CAP2: variants seen among roughly 807,000 people sequenced by gnomAD.
CAP2 encodes the protein cyclase associated actin cytoskeleton regulatory protein 2.
In CAP2, 24 loss-of-function variants were observed where a neutral mutation model predicts 57.7. That is an observed-to-expected ratio of 0.42 (90% CI 0.30 to 0.58). The LOEUF is 0.58. Among genes scored for constraint, CAP2 ranks in the 20% least tolerant of loss-of-function variants. CAP2 has a pLI of 0.22. For missense variants in CAP2, 501 were observed against 590.3 expected (o/e 0.85, Z 1.57); for synonymous variants, 194 against 207.2 (o/e 0.94, Z 0.55).
chr6:17,551,891 C>T (rs1763179957), intron 12 of CAP2, among the ~76,000 whole-genome samples: 1 of 152,004 alleles, frequency 6.6e-6, no homozygotes, highest in Non-Finnish European at 1.5e-5. Flanking sequence ...TTAGGTAGGA[C>T]TAAATATTTT....
intron 6 of CAP2, among the ~76,000 whole-genome samples, chr6:17,512,599 T>C (rs7773451): frequency 0.72 from 108,768 of 152,104 alleles, 39,007 homozygotes; most frequent in East Asian, 0.73. Flanking sequence ...AAGACCCTTA[T>C]AAGACCCTAC....
chr6:17,500,375 A>ATATATATATATATATC (rs1561806372), intron 4 of CAP2, among the ~76,000 whole-genome samples: 1 of 116,772 alleles, frequency 8.6e-6, no homozygotes, highest in African/African-American at 3.3e-5. Flanking sequence ...ATATATATAT[A>ATATATATATATATATC]TATATATATT....
intron 4 of CAP2, among the ~76,000 whole-genome samples, chr6:17,490,072 G>T (rs1322442605): frequency 6.6e-6 from 1 of 152,072 alleles, no homozygotes; most frequent in African/African-American, 2.4e-5. Context: ...TTAATCATCT[G>T]AGCTTAGAAC....
rs1487735095 is a variant in CAP2 at position 17,489,410 on chromosome 6, C to T, written c.301-17759C>T. ...TCATGCTACTGCACTCCAGCCTGGG[C>T]AACAGAGCAAGACTCTGTCTCAGAA... On this transcript the variant is annotated intron_variant, in intron 4 of 12. Transcript: ENST00000229922. 3.9e-5 allele frequency among the ~76,000 whole-genome samples: 6 copies of T among 152,210 alleles called. No homozygotes were observed. The East Asian group carries it at 1.2e-3, about 29-fold the overall frequency.
At chr6:17,484,184 G>A (rs1761365899) in intron 4 of CAP2, among the ~76,000 whole-genome samples, 1 of 152,024 alleles carries the variant, frequency 6.6e-6, no homozygotes, top group Non-Finnish European at 1.5e-5. Context: ...CAAAGATGAT[G>A]GGCTCCATTC....
At chr6:17,540,829 C>T (rs1762881631) in intron 8 of CAP2, 144 bp from the exon 9 acceptor site, 3 of 701,194 alleles carry the variant, frequency 4.3e-6, no homozygotes, top group Non-Finnish European at 7.3e-6. Context: ...CTCCTGCATC[C>T]TGACTTGGAG....
intron 3 of CAP2, among the ~76,000 whole-genome samples, chr6:17,437,465 C>G (rs1422122082): frequency 2.0e-5 from 3 of 152,176 alleles, no homozygotes; most frequent in Non-Finnish European, 2.9e-5. Context: ...CCCAAACTCA[C>G]CTACAGAGGG....
intron 7 of CAP2, among the ~76,000 whole-genome samples, chr6:17,515,543 C>A (rs997837739): frequency 2.6e-5 from 4 of 152,074 alleles, no homozygotes; most frequent in African/African-American, 9.7e-5. Context: ...TCATTCACAC[C>A]CCCAAACCTC....
chr6:17,531,533 T>G (rs1379554153), intron 7 of CAP2: 11 of 1,536,894 alleles, frequency 7.2e-6, no homozygotes, highest in Non-Finnish European at 9.8e-6. Flanking sequence ...TTGGACAAAC[T>G]TCTTTCTCAG....
chr6:17,464,458 A>C (rs1029694524), intron 4 of CAP2, among the ~76,000 whole-genome samples: 3 of 152,158 alleles, frequency 2.0e-5, no homozygotes, highest in African/African-American at 4.8e-5. Flanking sequence ...GCAAGACCAG[A>C]GACCTGAGAC....
chr6:17,503,677 A>G (rs533681087), intron 4 of CAP2, among the ~76,000 whole-genome samples: 12 of 151,976 alleles, frequency 7.9e-5, no homozygotes, highest in Admixed American at 3.3e-4. Context: ...ATTTTAATTT[A>G]ATCATTTCTT....
At chr6:17,516,457 A>T (rs1762275694) in intron 7 of CAP2, among the ~76,000 whole-genome samples, 1 of 152,144 alleles carries the variant, frequency 6.6e-6, no homozygotes, top group South Asian at 2.1e-4. Context: ...AAGGGACTTG[A>T]GGGAAAGGTT....
chr6:17,423,205 T>A (rs1759492385), intron 2 of CAP2, among the ~76,000 whole-genome samples: 1 of 152,222 alleles, frequency 6.6e-6, no homozygotes, highest in South Asian at 2.1e-4. Context: ...TTTGGACCCG[T>A]GCCTGTATTA....
chr6:17,525,253 T>C (rs187914707), intron 7 of CAP2, among the ~76,000 whole-genome samples: 5 of 152,296 alleles, frequency 3.3e-5, no homozygotes, highest in South Asian at 2.1e-4. Context: ...GTAGTAGCTT[T>C]TAAAGCTGCC....
intron 4 of CAP2, among the ~76,000 whole-genome samples, chr6:17,500,711 T>G (rs999847524): frequency 6.6e-6 from 1 of 152,146 alleles, no homozygotes; most frequent in African/African-American, 2.4e-5. Context: ...GTTTTAAAAC[T>G]TTTCCCTTAA....
intron 7 of CAP2, among the ~76,000 whole-genome samples, chr6:17,529,301 T>C (rs1256935924): frequency 6.6e-6 from 1 of 152,164 alleles, no homozygotes; most frequent in Non-Finnish European, 1.5e-5. Flanking sequence ...TTGATCAATG[T>C]ACATCTTGCA....
At chr6:17,532,153 T>C (rs1762659504) in intron 7 of CAP2, among the ~76,000 whole-genome samples, 1 of 123,810 alleles carries the variant, frequency 8.1e-6, no homozygotes, top group South Asian at 2.7e-4. Context: ...TTTTTTTTTT[T>C]TTTTGGAGGC....
chr6:17,505,161 A>G (rs988671027), intron 4 of CAP2, among the ~76,000 whole-genome samples: 4 of 152,204 alleles, frequency 2.6e-5, no homozygotes, highest in Admixed American at 1.3e-4. Flanking sequence ...TCTGATTTAT[A>G]GATGAGGAAA....
intron 1 of CAP2, among the ~76,000 whole-genome samples, chr6:17,402,352 G>T (rs907772072): frequency 2.6e-5 from 4 of 152,030 alleles, no homozygotes; most frequent in African/African-American, 9.7e-5. Flanking sequence ...TAGGGGATGG[G>T]GAGGACAAAA....
Sources: gnomAD v4.1 joint callset for allele counts (sites outside exome capture counted in the v4.1 genomes callset) on GRCh38, gnomAD v4.1.1 for gene constraint, MANE v1.5 for transcripts, NCBI Gene and HGNC (gene_info 2026-07-23, HGNC 2026-07-21) for gene names.